Variants in SPATA20 observed in about 807,000 individuals in gnomAD.
The protein encoded by SPATA20 is spermatogenesis-associated protein 20.
Under a neutral mutation model 98.9 loss-of-function variants are expected in SPATA20, and 74 were observed. That is an observed-to-expected ratio of 0.75 (90% CI 0.62 to 0.91). The LOEUF is 0.91. Ranked by LOEUF, SPATA20 falls within the 40% of genes least tolerant of loss-of-function variation. SPATA20 has a pLI of 0.00. For missense variants in SPATA20, 1,016 were observed against 1,069.8 expected (o/e 0.95, Z 0.70); for synonymous variants, 430 against 440.5 (o/e 0.98, Z 0.30).
chr17:50,548,441 A>C lies in SPATA20; in HGVS notation c.284A>C (p.Asn95Thr). The C allele has an allele frequency of 1.2e-6, 2 of 1,613,848 alleles. No homozygotes were observed. Among genetic ancestry groups the C allele is most frequent in the Non-Finnish European group, 1.7e-6 (2 of 1,179,890 alleles). Reference protein sequence around the residue: ...KSPYLLQHAYNPVDWYPWGQE... With the variant: ...KSPYLLQHAYTPVDWYPWGQE... ...CCATACCTCCTACAACATGCCTACAATCCTGTGGACTGGTGAGCACCTCTC... is the reference window on the plus strand; with the variant it reads ...CCATACCTCCTACAACATGCCTACACTCCTGTGGACTGGTGAGCACCTCTC... Residue 95 changes from asparagine to threonine, a missense_variant, in exon 3 of 17, where the codon AAT becomes ACT. Coordinates refer to ENST00000006658, the MANE Select transcript of SPATA20 (RefSeq NM_022827.4).
In SPATA20 at chr17:50,548,318, C is replaced by G; in HGVS notation, c.161C>G (p.Thr54Arg). Residue 54 changes from threonine (T) to arginine (R), a missense_variant, in exon 3 of 17, where the codon ACG becomes AGG. By Grantham distance (71) the Thr-to-Arg change is moderately conservative. Coordinates refer to ENST00000006658, the MANE Select transcript of SPATA20 (RefSeq NM_022827.4). ...TCCCGGGACAAGGACCGAAGTGCGACGGTCAGTAGTTCAGTGCCCATGCCT... is the reference window on the plus strand; with the variant it reads ...TCCCGGGACAAGGACCGAAGTGCGAGGGTCAGTAGTTCAGTGCCCATGCCT... ...SSSRDKDRSATVSSSVPMPAG... is the reference protein window; with the variant it reads ...SSSRDKDRSARVSSSVPMPAG... 1.2e-6 allele frequency: 2 copies of G among 1,613,792 alleles called. No individual in the cohort carries two copies. The highest frequency in any genetic ancestry group is 1.7e-6 in the Non-Finnish European group (2 of 1,179,934).
In SPATA20 at chr17:50,550,215, A is replaced by G. The variant is rs749559375; in HGVS notation, c.1001A>G (p.His334Arg). The G allele has an allele frequency of 3.7e-6, 6 of 1,612,458 alleles. No homozygotes were observed. Among genetic ancestry groups the G allele is most frequent in the Middle Eastern group, 1.6e-4 (1 of 6,080 alleles). The change falls in exon 9 of 17, where the codon CAC (histidine) becomes CGC (arginine). Residue 334 changes from histidine to arginine, a missense_variant. Coordinates refer to ENST00000006658, the MANE Select transcript of SPATA20 (RefSeq NM_022827.4). ...GIRDHVGQGF[H>R]RYSTDRQWHV... ...AGCTTTGTATCCGCACAGGGCTTTCACCGCTACTCCACAGACCGCCAGTGG... is the reference window on the plus strand; with the variant it reads ...AGCTTTGTATCCGCACAGGGCTTTCGCCGCTACTCCACAGACCGCCAGTGG...
intron 10 of SPATA20, 32 bp downstream of exon 10, chr17:50,550,642 T>C: frequency 6.2e-7 from 1 of 1,613,474 alleles, no homozygotes; most frequent in Non-Finnish European, 8.5e-7. Context: ...CAGGCCTGGC[T>C]GTGGGAGGGG....
At position 50,548,280 on chromosome 17, in the gene SPATA20, CA is replaced by C; in HGVS notation, c.126-2del. 2 of 1,612,914 alleles carry C rather than the reference CA, an allele frequency of 1.2e-6. No homozygotes were observed. The highest frequency in any genetic ancestry group is 2.2e-5 in the East Asian group (1 of 44,858). Reference sequence around the variant, plus strand: ...GCTTGCCTGATGCACCAGTCCTCGCCAGGGGTAGCTCCTCCCGGGACAAGGA... The same window carrying C: ...GCTTGCCTGATGCACCAGTCCTCGCCGGGGTAGCTCCTCCCGGGACAAGGA... On this transcript the variant is annotated splice_acceptor_variant, in intron 2 of 16. Transcript: ENST00000006658. LOFTEE classifies it high-confidence loss of function.
intron 14 of SPATA20, among the ~76,000 whole-genome samples, chr17:50,553,240 A>C (rs1316265321): frequency 1.3e-5 from 2 of 152,232 alleles, no homozygotes; most frequent in Non-Finnish European, 2.9e-5. Flanking sequence ...CCCAGGGTCT[A>C]GTGTGGTTCT....
In SPATA20 at chr17:50,549,483, G is replaced by T; in HGVS notation, c.858G>T (p.Thr286=). Residue 286 remains threonine (T), a synonymous_variant, in exon 7 of 17, where the codon ACG becomes ACT. Coordinates refer to ENST00000006658, the MANE Select transcript of SPATA20 (RefSeq NM_022827.4). ...TCGCTGAGGCCCCCAAGTTTCCCAC[G>T]CCGGGTCAGTGCCCCACGCCCGCCT... ...GGFAEAPKFP[T]PVILSFLFSY... 6.2e-7 allele frequency: 1 copy of T among 1,611,160 alleles called. No homozygotes were observed. Among genetic ancestry groups the T allele is most frequent in the Non-Finnish European group, 8.5e-7 (1 of 1,179,670 alleles).
intron 14 of SPATA20, among the ~76,000 whole-genome samples, chr17:50,553,233 A>G (rs1385618735): frequency 6.6e-6 from 1 of 152,246 alleles, no homozygotes; most frequent in East Asian, 1.9e-4. Flanking sequence ...TTGTATCCCC[A>G]GGGTCTAGTG....
chr17:50,547,189 G>T lies in SPATA20; in HGVS notation c.-20G>T. 7.1e-7 allele frequency: 1 copy of T among 1,417,206 alleles called. No individual in the cohort carries two copies. Among genetic ancestry groups the T allele is most frequent in the Non-Finnish European group, 9.1e-7 (1 of 1,094,250 alleles). The allele number at this position is 1,417,206 out of a possible 1,614,324, so 87.8% of individuals were successfully genotyped here. Reference sequence around the variant, plus strand: ...TTCCCTTCCTGTCCTCAGCGGCCGGGCCCACGGCCCCGAGCAGCCATGCTG... The same window carrying T: ...TTCCCTTCCTGTCCTCAGCGGCCGGTCCCACGGCCCCGAGCAGCCATGCTG... On this transcript the variant is annotated 5_prime_UTR_variant, in exon 1 of 17. Transcript: ENST00000006658.
Position 50,548,943 on chromosome 17 carries a change from G to A in SPATA20, c.495G>A (p.Lys165=). The A allele has an allele frequency of 6.2e-7, 1 of 1,614,170 alleles. No homozygotes were observed. Among genetic ancestry groups the A allele is most frequent in the Non-Finnish European group, 8.5e-7 (1 of 1,180,022 alleles). Reference sequence around the variant, plus strand: ...GTGAGGAGCGGCCTGACGTGGACAAGGTGTACATGACGTTCGTGCAGGTGA... The same window carrying A: ...GTGAGGAGCGGCCTGACGTGGACAAAGTGTACATGACGTTCGTGCAGGTGA... ...VDREERPDVD[K]VYMTFVQATS... Residue 165 remains lysine (K), a synonymous_variant, in exon 5 of 17, where the codon AAG becomes AAA. Coordinates refer to ENST00000006658, the MANE Select transcript of SPATA20 (RefSeq NM_022827.4).
In SPATA20 at chr17:50,548,550, C is replaced by T. The variant is rs188275982; in HGVS notation, c.297-4C>T. 1.1e-4 allele frequency: 181 copies of T among 1,613,672 alleles called. No homozygotes were observed. In the African/African-American group the frequency reaches 1.7e-3, roughly 15 times the overall value. ...TGAGTGATGCCCCACCCTGCTGGGT[C>T]TAGGTACCCCTGGGGACAGGAAGCC... On this transcript the variant is annotated splice_polypyrimidine_tract_variant and splice_region_variant and intron_variant, in intron 3 of 16. Transcript: ENST00000006658.
intron 12 of SPATA20, 37 bp downstream of exon 12, chr17:50,551,227 G>T (rs1176143492): frequency 8.4e-6 from 13 of 1,556,172 alleles, no homozygotes; most frequent in Non-Finnish European, 1.0e-5. Context: ...CTGTCTGTAG[G>T]ATCCCCCTTC....
At position 50,549,275 on chromosome 17, in the gene SPATA20, A is replaced by G. The variant is rs2034970307; in HGVS notation, c.661-11A>G. 3 of 1,606,340 alleles carry G rather than the reference A, an allele frequency of 1.9e-6. No individual in the cohort carries two copies. The highest frequency in any genetic ancestry group is 2.6e-6 in the Non-Finnish European group (3 of 1,174,958). On this transcript the variant is annotated splice_polypyrimidine_tract_variant and intron_variant, in intron 6 of 16. Transcript: ENST00000006658. ...CTAGCTGACCTCCAGGTGTGCCCCCACCTCCCGCAGTGGAAACAGAACAAG... is the reference window on the plus strand; with the variant it reads ...CTAGCTGACCTCCAGGTGTGCCCCCGCCTCCCGCAGTGGAAACAGAACAAG...
intron 10 of SPATA20, 42 bp downstream of exon 10, chr17:50,550,652 G>C: frequency 6.2e-7 from 1 of 1,612,560 alleles, no homozygotes; most frequent in Non-Finnish European, 8.5e-7. Flanking sequence ...TGTGGGAGGG[G>C]TTGGGGCCTC....
At chr17:50,547,602 C>T (rs2034933823) in intron 1 of SPATA20, 118 bp from the exon 2 acceptor site, 1 of 740,368 alleles carries the variant, frequency 1.4e-6, no homozygotes, top group Non-Finnish European at 2.5e-6. Context: ...AAGGGCCTTT[C>T]TCCAATAGTA....
intron 14 of SPATA20, 21 bp from the exon 15 acceptor site, chr17:50,554,230 C>T (rs955324111): frequency 3.7e-6 from 6 of 1,612,492 alleles, no homozygotes; most frequent in Non-Finnish European, 5.1e-6. Context: ...CCCCCACCCC[C>T]TGCCTCCCTA....
intron 12 of SPATA20, 21 bp from the exon 13 acceptor site, chr17:50,551,490 A>G (rs2035014576): frequency 1.3e-6 from 2 of 1,585,442 alleles, no homozygotes; most frequent in Non-Finnish European, 1.7e-6. Flanking sequence ...TCTTACCACT[A>G]CTTGTCTCTC....
At chr17:50,548,185 T>C in intron 2 of SPATA20, 98 bp from the exon 3 acceptor site, 1 of 1,517,278 alleles carries the variant, frequency 6.6e-7, no homozygotes, top group Non-Finnish European at 8.8e-7. Context: ...GGAGCAGGGG[T>C]CCTACTGGGG....
rs116854349 is a variant in SPATA20 at position 50,553,719 on chromosome 17, G to A, written c.1958-532G>A. Reference sequence around the variant, plus strand: ...GTGGATTGTGATCTGCTCTGGTATGGTTTTAAGGAGGTCACTCTGACCACT... The same window carrying A: ...GTGGATTGTGATCTGCTCTGGTATGATTTTAAGGAGGTCACTCTGACCACT... On this transcript the variant is annotated intron_variant, in intron 14 of 16. Transcript: ENST00000006658. Among the ~76,000 whole-genome samples the A allele has an allele frequency of 9.4e-3, 1,438 of 152,262 alleles. 11 individuals carry two copies. Among genetic ancestry groups the A allele is most frequent in the Non-Finnish European group, 0.013 (899 of 68,008 alleles).
intron 12 of SPATA20, 160 bp from the exon 13 acceptor site, chr17:50,551,351 C>A (rs911965223): frequency 1.7e-6 from 2 of 1,155,986 alleles, no homozygotes; most frequent in Non-Finnish European, 2.4e-6. Context: ...CCCAAGGTCA[C>A]GCGCAAGGGC....
Sources: gnomAD v4.1 joint callset for allele counts (sites outside exome capture counted in the v4.1 genomes callset) on GRCh38, gnomAD v4.1.1 for gene constraint, MANE v1.5 for transcripts, NCBI Gene and HGNC (gene_info 2026-07-23, HGNC 2026-07-21) for gene names.